CFAP221: variants seen among roughly 807,000 people sequenced by gnomAD.
CFAP221 encodes the protein cilia- and flagella-associated protein 221.
Under a neutral mutation model 113.1 loss-of-function variants are expected in CFAP221, and 97 were observed. The ratio of observed to expected loss-of-function variants is 0.86; its 90% CI spans 0.73 to 1.02. The LOEUF (loss-of-function observed/expected upper bound fraction) is 1.02. CFAP221 is among the 50% of genes least tolerant of loss of function. The pLI, the probability that CFAP221 is intolerant of heterozygous loss-of-function variation, is 0.00. For missense variants in CFAP221, 1,025 were observed against 1,013.4 expected, an observed-to-expected ratio of 1.01 and a Z score of -0.16; for synonymous variants, 331 against 354.4, an observed-to-expected ratio of 0.93 and a Z score of 0.74.
At chr2:119,644,337 T>C (rs1272485587) in intron 21 of CFAP221, among the ~76,000 whole-genome samples, 1 of 152,150 alleles carries the variant, frequency 6.6e-6, no homozygotes, top group Non-Finnish European at 1.5e-5. Flanking sequence ...TGAAAAGCTC[T>C]TGGTTGCTGC....
intron 22 of CFAP221, 151 bp downstream of exon 22, chr2:119,647,201 T>G: frequency 1.8e-6 from 1 of 563,930 alleles, no homozygotes; most frequent in South Asian, 2.2e-5. Flanking sequence ...TACCATCACC[T>G]AGATAAGATG....
chr2:119,600,295 G>A (rs577957398), intron 7 of CFAP221, among the ~76,000 whole-genome samples: 23 of 152,338 alleles, frequency 1.5e-4, no homozygotes, highest in South Asian at 4.1e-4. Flanking sequence ...ATTTGACTCT[G>A]GGGAGAATAA....
chr2:119,648,982 G>A (rs1687970857), intron 22 of CFAP221, among the ~76,000 whole-genome samples: 1 of 152,242 alleles, frequency 6.6e-6, no homozygotes, highest in Non-Finnish European at 1.5e-5. Flanking sequence ...TCTGACTCCT[G>A]CGCTGGTAGC....
At chr2:119,592,976 G>A (rs1417021059) in intron 7 of CFAP221, among the ~76,000 whole-genome samples, 1 of 152,180 alleles carries the variant, frequency 6.6e-6, no homozygotes, top group Non-Finnish European at 1.5e-5. Flanking sequence ...CCTGGAAAAT[G>A]GCATGTCCTT....
At chr2:119,555,939 G>A (rs1419254567) in intron 3 of CFAP221, 1 of 152,140 alleles carries the variant, frequency 6.6e-6, no homozygotes, top group East Asian at 1.9e-4. Flanking sequence ...TTCCTATTTT[G>A]GAAGTCAGGC....
At chr2:119,658,558 G>A (rs778834165), downstream of CFAP221, among the ~76,000 whole-genome samples, 6 of 151,910 alleles carry the variant, frequency 3.9e-5, no homozygotes, top group African/African-American at 7.3e-5. Context: ...AATTGCTTCC[G>A]AGCCCTCTCA....
At chr2:119,636,835 G>A (rs1482535833) in intron 19 of CFAP221, among the ~76,000 whole-genome samples, 2 of 152,106 alleles carry the variant, frequency 1.3e-5, no homozygotes, top group Non-Finnish European at 2.9e-5. Flanking sequence ...GTTACTCTGG[G>A]AGCAATGGGG....
chr2:119,553,921 T>G (rs1475520497), intron 3 of CFAP221, among the ~76,000 whole-genome samples: 1 of 152,140 alleles, frequency 6.6e-6, no homozygotes, highest in Non-Finnish European at 1.5e-5. Context: ...GTTGTGAGGT[T>G]ATTAGAAGAG....
intron 2 of CFAP221, among the ~76,000 whole-genome samples, chr2:119,546,658 G>C (rs919047132): frequency 2.0e-5 from 3 of 152,058 alleles, no homozygotes; most frequent in East Asian, 1.9e-4. Context: ...CTTGCATACA[G>C]AATAAAGTCA....
intron 21 of CFAP221, among the ~76,000 whole-genome samples, chr2:119,646,421 T>A (rs1208100373): frequency 6.6e-6 from 1 of 152,088 alleles, no homozygotes; most frequent in Non-Finnish European, 1.5e-5. Flanking sequence ...GCACCTCACA[T>A]GGCCAGAGCA....
In CFAP221 at chr2:119,612,382, A is replaced by C. The variant is rs12469070; in HGVS notation, c.1311+640A>C. 3.1e-3 allele frequency among the ~76,000 whole-genome samples: 470 copies of C among 152,358 alleles called. 6 individuals are homozygous for C. The highest frequency in any genetic ancestry group is 0.025 in the Admixed American group (380 of 15,304). On this transcript the variant is annotated intron_variant, in intron 13 of 23. Transcript: ENST00000413369. Reference sequence around the variant, plus strand: ...AAACGTACAATCATGGCAGAAGAAGAAGCAAATACTTCCTTCTTTACATGG... The same window carrying C: ...AAACGTACAATCATGGCAGAAGAAGCAGCAAATACTTCCTTCTTTACATGG...
rs747876136 is a variant in CFAP221 at position 119,604,678 on chromosome 2, A to C, written c.798A>C (p.Glu266Asp). The change falls in exon 9 of 24, where the codon GAA (glutamate) becomes GAC (aspartate). Residue 266 changes from glutamate (E) to aspartate (D), a missense_variant. Glu to Asp is a conservative substitution (Grantham distance 45, BLOSUM62 2). Transcript: ENST00000413369. ...TCYPNMALPLEEFERLNTLSK... is the reference protein window; with the variant it reads ...TCYPNMALPLDEFERLNTLSK... ...CACTTGTTTTAACCTATAGATTAGA[A>C]GAGTTTGAAAGGTTGAATACCCTTT... 1 of 1,556,632 alleles carries C rather than the reference A, an allele frequency of 6.4e-7. No individual in the cohort carries two copies. The highest frequency in any genetic ancestry group is 1.4e-5 in the African/African-American group (1 of 71,928).
intron 6 of CFAP221, among the ~76,000 whole-genome samples, chr2:119,584,862 G>A (rs552894236): frequency 6.6e-6 from 1 of 152,200 alleles, no homozygotes; most frequent in Admixed American, 6.5e-5. Flanking sequence ...TTGGTAAAGG[G>A]CTTTGAAAAA....
chr2:119,660,307 T>C (rs1308910774), downstream of CFAP221: 1 of 152,238 alleles, frequency 6.6e-6, no homozygotes, highest in Non-Finnish European at 1.5e-5. Flanking sequence ...TTCCAAATAA[T>C]ATTTATCAGA....
At chr2:119,602,405 A>G (rs1451643200) in intron 8 of CFAP221, among the ~76,000 whole-genome samples, 1 of 152,208 alleles carries the variant, frequency 6.6e-6, no homozygotes, top group Non-Finnish European at 1.5e-5. Flanking sequence ...AAGTTGTCAC[A>G]GTATAAATAC....
intron 7 of CFAP221, among the ~76,000 whole-genome samples, chr2:119,591,132 G>C (rs1243098795): frequency 3.3e-5 from 5 of 152,146 alleles, no homozygotes; most frequent in Non-Finnish European, 2.9e-5. Flanking sequence ...TAAACTTCCA[G>C]GTCAGCAAAT....
At chr2:119,548,086 C>T (rs1038476573) in intron 2 of CFAP221, among the ~76,000 whole-genome samples, 1 of 152,140 alleles carries the variant, frequency 6.6e-6, no homozygotes, top group African/African-American at 2.4e-5. Flanking sequence ...ACCTCAGCCT[C>T]CCATGTAGCT....
chr2:119,550,455 C>G (rs1167030715), intron 3 of CFAP221, among the ~76,000 whole-genome samples: 2 of 152,120 alleles, frequency 1.3e-5, no homozygotes, highest in African/African-American at 4.8e-5. Flanking sequence ...CAAGTATTTC[C>G]TCTTAGGAAA....
chr2:119,627,517 GGATATA>G lies in CFAP221; in HGVS notation c.1517-135_1517-130del, dbSNP rs1356677290. ...AAGGAACCAATGGGACAGTAAAAGTGGATATATATATATATATATATATATATACAC... is the reference window on the plus strand; with the variant it reads ...AAGGAACCAATGGGACAGTAAAAGTGTATATATATATATATATATATACAC... On this transcript the variant is annotated intron_variant, in intron 15 of 23. Coordinates refer to ENST00000413369, the MANE Select transcript of CFAP221 (RefSeq NM_001271049.2). 8.1e-6 allele frequency: 4 copies of G among 493,052 alleles called. No homozygotes were observed. The South Asian group carries it at 3.6e-4, about 45-fold the overall frequency. The allele number at this position is 493,052 out of a possible 1,614,324, so 30.5% of individuals were successfully genotyped here.
Sources: gnomAD v4.1 joint callset for allele counts (sites outside exome capture counted in the v4.1 genomes callset) on GRCh38, gnomAD v4.1.1 for gene constraint, MANE v1.5 for transcripts, NCBI Gene and HGNC (gene_info 2026-07-23, HGNC 2026-07-21) for gene names.